DLC1: variants seen among roughly 807,000 people sequenced by gnomAD.
DLC1 encodes DLC1 Rho GTPase activating protein.
Under a neutral mutation model 140.3 loss-of-function variants are expected in DLC1, and 54 were observed. The observed-to-expected ratio is 0.38, with a 90% confidence interval of 0.31 to 0.48. The LOEUF is 0.48. Among genes scored for constraint, DLC1 ranks in the 20% least tolerant of loss-of-function variants. The probability of loss-of-function intolerance (pLI) is 0.96; values close to 1 mark genes in which losing one functional copy is unlikely to be tolerated. For synonymous variants in DLC1, 986 were observed against 728.1 expected, an observed-to-expected ratio of 1.35 and a Z score of -5.70; for missense variants, 2,536 against 1,907.0, an observed-to-expected ratio of 1.33 and a Z score of -6.14.
chr8:13,457,534 G>C (rs530133115), intron 2 of DLC1, among the ~76,000 whole-genome samples: 3 of 151,736 alleles, frequency 2.0e-5, no homozygotes, highest in South Asian at 2.1e-4. Flanking sequence ...AAAATTAGCC[G>C]GGTGTGGTGA....
intron 1 of DLC1, among the ~76,000 whole-genome samples, chr8:13,556,237 TG>T (rs1804040999): frequency 6.6e-6 from 1 of 152,196 alleles, no homozygotes; most frequent in African/African-American, 2.4e-5. Flanking sequence ...GACAGAGCTA[TG>T]ATTTTGCCCT....
chr8:13,521,493 G>A (rs920342772), intron 1 of DLC1, among the ~76,000 whole-genome samples: 6 of 151,960 alleles, frequency 3.9e-5, no homozygotes, highest in Admixed American at 1.3e-4. Context: ...ATGGGGCCAC[G>A]CATTCTCTCC....
chr8:13,416,826 T>C (rs1468946925), intron 2 of DLC1, among the ~76,000 whole-genome samples: 4 of 152,214 alleles, frequency 2.6e-5, no homozygotes, highest in Non-Finnish European at 5.9e-5. Flanking sequence ...AACCTGCCCT[T>C]TGTAAATGCC....
chr8:13,322,923 A>G (rs1833183127), intron 4 of DLC1, among the ~76,000 whole-genome samples: 1 of 152,132 alleles, frequency 6.6e-6, no homozygotes. Flanking sequence ...TCCCTCTTGC[A>G]CTGTCTTTTG....
chr8:13,401,023 G>T (rs111994330), intron 3 of DLC1, among the ~76,000 whole-genome samples: 179 of 152,262 alleles, frequency 1.2e-3, no homozygotes, highest in African/African-American at 4.1e-3. Context: ...TTCTTGTAGT[G>T]TGTTGGGTTA....
intron 5 of DLC1, among the ~76,000 whole-genome samples, chr8:13,280,984 G>T (rs1169045511): frequency 1.3e-5 from 2 of 152,108 alleles, no homozygotes; most frequent in Non-Finnish European, 2.9e-5. Flanking sequence ...TCCCTAAAAT[G>T]CTGTAACTCC....
chr8:13,209,226 C>T (rs536350493), intron 5 of DLC1, among the ~76,000 whole-genome samples: 23 of 152,224 alleles, frequency 1.5e-4, no homozygotes, highest in African/African-American at 5.5e-4. Flanking sequence ...TGACTATCAA[C>T]CTATGTATCC....
At chr8:13,567,828 A>G in intron 1 of DLC1, 3 of 1,551,892 alleles carry the variant, frequency 1.9e-6, no homozygotes, top group Non-Finnish European at 1.7e-6. Flanking sequence ...TTGAAAGATC[A>G]GAGACAGAGC....
chr8:13,241,791 C>G (rs545453443), intron 5 of DLC1, among the ~76,000 whole-genome samples: 1 of 152,266 alleles, frequency 6.6e-6, no homozygotes, highest in African/African-American at 2.4e-5. Flanking sequence ...ACACGCTGCT[C>G]ACTATCTTTC....
At chr8:13,168,363 GT>G (rs1825238194) in intron 5 of DLC1, among the ~76,000 whole-genome samples, 1 of 152,114 alleles carries the variant, frequency 6.6e-6, no homozygotes, top group Admixed American at 6.5e-5. Flanking sequence ...TCTAGATCTC[GT>G]TCCAGTTGTA....
At chr8:13,240,331 T>G (rs949013427) in intron 5 of DLC1, among the ~76,000 whole-genome samples, 1 of 152,182 alleles carries the variant, frequency 6.6e-6, no homozygotes, top group Non-Finnish European at 1.5e-5. Flanking sequence ...AACGTGACAA[T>G]AACTTTCATC....
At chr8:13,590,062 C>A (rs1248740259) in intron 1 of DLC1, among the ~76,000 whole-genome samples, 1 of 121,336 alleles carries the variant, frequency 8.2e-6, no homozygotes, top group Non-Finnish European at 1.8e-5. Context: ...ACTCAACATG[C>A]ATATATATAT....
At chr8:13,104,984 C>T (rs1291344979) in intron 7 of DLC1, among the ~76,000 whole-genome samples, 2 of 152,114 alleles carry the variant, frequency 1.3e-5, no homozygotes, top group Non-Finnish European at 2.9e-5. Context: ...TTAAAGAATC[C>T]GGAATGGTTA....
chr8:13,434,968 C>CG (rs1254451622), intron 2 of DLC1, among the ~76,000 whole-genome samples: 3 of 152,302 alleles, frequency 2.0e-5, no homozygotes, highest in African/African-American at 7.2e-5. Flanking sequence ...GCGTGACCCC[C>CG]CCCGGCTCAC....
chr8:13,266,747 A>T (rs1586036726), intron 5 of DLC1, among the ~76,000 whole-genome samples: 1 of 152,108 alleles, frequency 6.6e-6, no homozygotes, highest in East Asian at 1.9e-4. Context: ...TTAGTATTAA[A>T]AAAACAAAAC....
chr8:13,506,598 TA>T (rs1563407683), intron 1 of DLC1, among the ~76,000 whole-genome samples: 1 of 141,462 alleles, frequency 7.1e-6, no homozygotes, highest in East Asian at 2.1e-4. Flanking sequence ...TATATATATA[TA>T]TATATATATA....
intron 5 of DLC1, among the ~76,000 whole-genome samples, chr8:13,161,999 C>A (rs1824741456): frequency 6.6e-6 from 1 of 152,132 alleles, no homozygotes; most frequent in Admixed American, 6.5e-5. Flanking sequence ...AAATTCATAG[C>A]AGCCGTTTGG....
At chr8:13,162,384 A>C (rs1489385324) in intron 5 of DLC1, among the ~76,000 whole-genome samples, 1 of 152,152 alleles carries the variant, frequency 6.6e-6, no homozygotes. Flanking sequence ...GAATAATGGC[A>C]CAATCTCAAC....
chr8:13,574,736 G>A (rs1274311432), intron 1 of DLC1, among the ~76,000 whole-genome samples: 1 of 152,140 alleles, frequency 6.6e-6, no homozygotes, highest in Non-Finnish European at 1.5e-5. Context: ...TGAAACTCTT[G>A]AGATAGAAGT....
Sources: gnomAD v4.1 joint callset for allele counts (sites outside exome capture counted in the v4.1 genomes callset) on GRCh38, gnomAD v4.1.1 for gene constraint, MANE v1.5 for transcripts, NCBI Gene and HGNC (gene_info 2026-07-23, HGNC 2026-07-21) for gene names.